SLFN13: variants seen among roughly 807,000 people sequenced by gnomAD.
SLFN13 encodes the protein schlafen family member 13, also known as schlafen-13.
A neutral mutation model predicts 50.6 loss-of-function variants in SLFN13; 43 were observed. The ratio of observed to expected loss-of-function variants is 0.85; its 90% CI spans 0.67 to 1.09. The LOEUF is 1.09. Ranked by LOEUF, SLFN13 falls within the 50% of genes least tolerant of loss-of-function variation. SLFN13 has a pLI of 0.00. For synonymous variants in SLFN13, 339 were observed against 386.5 expected (o/e 0.88, Z 1.44); for missense variants, 881 against 1,071.1 (o/e 0.82, Z 2.48).
rs1317087979 is a variant in SLFN13, at chr17:35,437,786, A to G, written c.*2809T>C. On this transcript the variant is annotated 3_prime_UTR_variant, in exon 6 of 6. Coordinates refer to ENST00000285013, the MANE Select transcript of SLFN13 (RefSeq NM_144682.6). ...GGGGTATATAGGAACTTTCTGTACT[A>G]TGCTTGCAACTTTTCTATATGTCTG... 2 of 94,632 alleles carry G rather than the reference A, an allele frequency of 2.1e-5. No homozygotes were observed. The highest frequency in any genetic ancestry group is 4.5e-5 in the Non-Finnish European group (2 of 44,024). 5.9% of individuals were successfully genotyped at this position (94,632 alleles called of 1,614,324 possible).
upstream of SLFN13, among the ~76,000 whole-genome samples, chr17:35,449,245 C>CAA (rs10537503): frequency 8.4e-4 from 118 of 140,126 alleles, no homozygotes; most frequent in South Asian, 9.7e-3. Flanking sequence ...GTTCCCCCTA[C>CAA]AAAAAAAAAA....
chr17:35,444,799 G>A lies in SLFN13; in HGVS notation c.882C>T (p.Tyr294=), dbSNP rs746740877. The part of the protein sequence containing the change: ...HFCSSKPRVE[Y]STKIVEVFCG... Reference sequence around the variant, plus strand: ...AAAACACTTCTACGATTTTGGTGCTGTACTCTACCCGAGGTTTTGAAGAGC... The same window carrying A: ...AAAACACTTCTACGATTTTGGTGCTATACTCTACCCGAGGTTTTGAAGAGC... Residue 294 remains tyrosine, a synonymous_variant, in exon 3 of 6, where the codon TAC becomes TAT. Transcript: ENST00000285013. 1.4e-5 allele frequency: 22 copies of A among 1,614,170 alleles called. No homozygotes were observed. In the South Asian group the frequency reaches 2.3e-4, roughly 17 times the overall value.
chr17:35,436,952 T>C lies in SLFN13; in HGVS notation c.*3643A>G, dbSNP rs1912661282. The C allele has an allele frequency of 6.6e-6, 1 of 152,110 alleles. No individual in the cohort carries two copies. The highest frequency in any genetic ancestry group is 2.4e-5 in the African/African-American group (1 of 41,444). The allele number at this position is 152,110 out of a possible 1,614,324, so 9.4% of individuals were successfully genotyped here. A position where few individuals can be genotyped will look rare whatever the true frequency, so the allele number is the denominator to read the frequency against. ...TCAATAAAGTCTACAGATTAGATAA[T>C]AGTATCAGGGTTAATTTACTGATTT... is the stretch of plus-strand genomic sequence containing the variant. On this transcript the variant is annotated 3_prime_UTR_variant, in exon 6 of 6. Transcript: ENST00000285013.
Position 35,440,513 on chromosome 17 carries a change from A to C in SLFN13, c.*82T>G. 6.7e-7 allele frequency: 1 copy of C among 1,492,748 alleles called. No individual in the cohort carries two copies. Among genetic ancestry groups the C allele is most frequent in the Non-Finnish European group, 9.1e-7 (1 of 1,096,648 alleles). 92.5% of individuals were successfully genotyped at this position (1,492,748 alleles called of 1,614,324 possible). On this transcript the variant is annotated 3_prime_UTR_variant, in exon 6 of 6. Transcript: ENST00000285013. Reference sequence around the variant, plus strand: ...TCTCTAACTGACTTGTGAACTAAAAAGAAAGGTTTCTACCATCAGCAGACT... The same window carrying C: ...TCTCTAACTGACTTGTGAACTAAAACGAAAGGTTTCTACCATCAGCAGACT...
At chr17:35,448,776 C>G (rs1268404552), upstream of SLFN13, 1 of 152,310 alleles carries the variant, frequency 6.6e-6, no homozygotes, top group African/African-American at 2.4e-5. Context: ...CCTGGAGGCG[C>G]CAAGGTCAGG....
chr17:35,446,115 C>T (rs1567865285), intron 2 of SLFN13: 1 of 154,542 alleles, frequency 6.5e-6, no homozygotes, highest in African/African-American at 2.4e-5. Flanking sequence ...GGAACAGATT[C>T]TCCATGAACA....
chr17:35,444,322 C>T (rs1189691477), intron 3 of SLFN13, among the ~76,000 whole-genome samples: 1 of 152,210 alleles, frequency 6.6e-6, no homozygotes, highest in Non-Finnish European at 1.5e-5. Flanking sequence ...ATCTGAGGTA[C>T]AAGCTAATCA....
In SLFN13 at chr17:35,437,666, T is replaced by C. The variant is rs1597797952; in HGVS notation, c.*2929A>G. On this transcript the variant is annotated 3_prime_UTR_variant, in exon 6 of 6. Transcript: ENST00000285013. ...TCCATAGCAAGAAGTGGCAGGAGAC[T>C]ACAAGGACAGATCTGTGAGCATTCC... The C allele has an allele frequency of 6.6e-6, 1 of 152,178 alleles. No homozygotes were observed. Among genetic ancestry groups the C allele is most frequent in the South Asian group, 2.1e-4 (1 of 4,826 alleles). 9.4% of individuals were successfully genotyped at this position (152,178 alleles called of 1,614,324 possible). A position where few individuals can be genotyped will look rare whatever the true frequency, so the allele number is the denominator to read the frequency against.
upstream of SLFN13, among the ~76,000 whole-genome samples, chr17:35,449,235 G>A (rs368790929): frequency 8.0e-6 from 1 of 125,416 alleles, no homozygotes; most frequent in Non-Finnish European, 1.7e-5. Context: ...GTGAGAGCCT[G>A]TTCCCCCTAC....
In SLFN13 at chr17:35,439,050, A is replaced by G. The variant is rs1912719678; in HGVS notation, c.*1545T>C. The G allele has an allele frequency of 1.6e-4, 3 of 18,784 alleles. No individual in the cohort carries two copies. The highest frequency in any genetic ancestry group is 5.2e-4 in the African/African-American group (2 of 3,846). 1.2% of individuals were successfully genotyped at this position (18,784 alleles called of 1,614,324 possible). ...GGAAGTCGAAGACATAGGTGCCAGCAGGGTGGGGGGGGGGGTTCATTGTGA... is the reference window on the plus strand; with the variant it reads ...GGAAGTCGAAGACATAGGTGCCAGCGGGGTGGGGGGGGGGGTTCATTGTGA... On this transcript the variant is annotated 3_prime_UTR_variant, in exon 6 of 6. Coordinates refer to ENST00000285013, the MANE Select transcript of SLFN13 (RefSeq NM_144682.6).
chr17:35,442,377 C>A, intron 4 of SLFN13, 91 bp from the exon 5 acceptor site: 1 of 1,381,564 alleles, frequency 7.2e-7, no homozygotes, highest in South Asian at 1.5e-5. Context: ...GAGGAAAGCC[C>A]CCAAAGAATT....
At chr17:35,447,079 C>G (rs1212049797) in intron 2 of SLFN13, 189 bp downstream of exon 2, 1 of 152,134 alleles carries the variant, frequency 6.6e-6, no homozygotes, top group East Asian at 1.9e-4. Context: ...ATATCTTTTG[C>G]AGGCAGAAAA....
chr17:35,441,207 A>G lies in SLFN13; in HGVS notation c.2082T>C (p.Cys694=), dbSNP rs1372576928. 3.7e-6 allele frequency: 6 copies of G among 1,614,098 alleles called. No homozygotes were observed. The Middle Eastern group carries it at 6.6e-4, about 178-fold the overall frequency. The stretch of plus-strand genomic sequence containing the variant: ...CCAGAAAGATCCAGAGAACTCCTGG[A>G]CAATCCTTTTCTCTCTGAGTGATGG... The part of the protein sequence containing the change: ...AKTITQREKD[C]PGVLWIFLDY... Residue 694 remains cysteine (C), a synonymous_variant, in exon 6 of 6, where the codon TGT becomes TGC. Transcript: ENST00000285013.
Position 35,444,596 on chromosome 17 carries a change from G to GA in SLFN13, c.1066+18dup. Reference sequence around the variant, plus strand: ...AAGAGGTAGAAAGGTCAGGAAGGGAGAATCTGGTTCCCTCTTACCTGGATC... The same window carrying GA: ...AAGAGGTAGAAAGGTCAGGAAGGGAGAAATCTGGTTCCCTCTTACCTGGATC... On this transcript the variant is annotated intron_variant, in intron 3 of 5. Transcript: ENST00000285013. 1 of 1,603,840 alleles carries GA rather than the reference G, an allele frequency of 6.2e-7. No individual in the cohort carries two copies. The highest frequency in any genetic ancestry group is 8.5e-7 in the Non-Finnish European group (1 of 1,172,738).
chr17:35,442,264 A>G lies in SLFN13; in HGVS notation c.1221T>C (p.Cys407=), dbSNP rs1390301691. 16 of 1,599,106 alleles carry G rather than the reference A, an allele frequency of 1.0e-5. No homozygotes were observed. The highest frequency in any genetic ancestry group is 1.3e-5 in the Non-Finnish European group (15 of 1,172,162). Residue 407 remains cysteine (C), a synonymous_variant, in exon 5 of 6, where the codon TGT becomes TGC. Coordinates refer to ENST00000285013, the MANE Select transcript of SLFN13 (RefSeq NM_144682.6). ...GCTCCTTCCAGAGGGACTCTGGAGT[A>G]CATTCCAAATGTCCTGGTGGAACTA... ...LFPVPPGHLE[C]TPESLWKELS... is the part of the protein sequence containing the mutation.
At position 35,441,326 on chromosome 17, in the gene SLFN13, G is replaced by A. The variant is rs776004770; in HGVS notation, c.1963C>T (p.Leu655=). 16 of 1,611,666 alleles carry A rather than the reference G, an allele frequency of 9.9e-6. No individual in the cohort carries two copies. Among genetic ancestry groups the A allele is most frequent in the Non-Finnish European group, 1.4e-5 (16 of 1,179,398 alleles). Residue 655 remains leucine, a synonymous_variant, in exon 6 of 6, where the codon CTA becomes TTA. Coordinates refer to ENST00000285013, the MANE Select transcript of SLFN13 (RefSeq NM_144682.6). The stretch of plus-strand genomic sequence containing the variant: ...TGAATGTGTTCAAATTTTTCTCTTA[G>A]GAAAGTTTCCCGGGTCTCTGCTCGG... ...ICRAETRETF[L]REKFEHIQHI...
intron 2 of SLFN13, 149 bp from the exon 3 acceptor site, chr17:35,445,842 A>G: frequency 1.5e-6 from 1 of 653,684 alleles, no homozygotes; most frequent in Non-Finnish European, 2.5e-6. Flanking sequence ...TTAGGAGCTG[A>G]CTGGCTGGCA....
At chr17:35,445,808 G>C (rs1301827207) in intron 2 of SLFN13, 115 bp from the exon 3 acceptor site, 1 of 885,054 alleles carries the variant, frequency 1.1e-6, no homozygotes, top group African/African-American at 1.7e-5. Context: ...TAAGACAATA[G>C]CAAGAAAGAC....
At position 35,441,068 on chromosome 17, in the gene SLFN13, T is replaced by A; in HGVS notation, c.2221A>T (p.Ile741Leu). The A allele has an allele frequency of 6.2e-7, 1 of 1,613,966 alleles. No individual in the cohort carries two copies. The highest frequency in any genetic ancestry group is 1.1e-5 in the South Asian group (1 of 91,090). ...VRNADEIAEY[I>L]QQEMQLIIEN... ...ATAATTAGTTGCATTTCTTGTTGTATGTACTCGGCTATTTCATCTGCATTG... is the reference window on the plus strand; with the variant it reads ...ATAATTAGTTGCATTTCTTGTTGTAAGTACTCGGCTATTTCATCTGCATTG... The change falls in exon 6 of 6, where the codon ATA (isoleucine) becomes TTA (leucine). Residue 741 changes from isoleucine to leucine, a missense_variant. Around this residue, in one of 5 missense-constraint regions of SLFN13, gnomAD observed 322 missense variants for 327.4 expected, o/e 0.98. Coordinates refer to ENST00000285013, the MANE Select transcript of SLFN13 (RefSeq NM_144682.6).
Sources: allele counts gnomAD v4.1 joint callset (sites outside exome capture counted in the v4.1 genomes callset), GRCh38; gene constraint gnomAD v4.1.1; regional missense constraint gnomAD v4.1.1; transcripts MANE v1.5; gene names NCBI Gene and HGNC (gene_info 2026-07-23, HGNC 2026-07-21).